ALMS1: variants seen among roughly 807,000 people sequenced by gnomAD.
ALMS1 encodes the protein ALMS1 centrosome and basal body associated protein.
In ALMS1, 271 loss-of-function variants were observed where a neutral mutation model predicts 352.2. The observed-to-expected ratio is 0.77, with a 90% CI of 0.70 to 0.85. The LOEUF (loss-of-function observed/expected upper bound fraction) is 0.85, where lower values mean the gene tolerates loss of function less well. Among genes scored for constraint, ALMS1 ranks in the 40% least tolerant of loss-of-function variants. The probability of loss-of-function intolerance (pLI) is 0.00; values close to 1 mark genes in which losing one functional copy is unlikely to be tolerated. For missense variants in ALMS1, 5,445 were observed against 4,870.7 expected, an observed-to-expected ratio of 1.12 and a Z score of -3.51; for synonymous variants, 1,865 against 1,761.2, an observed-to-expected ratio of 1.06 and a Z score of -1.48.
intron 9 of ALMS1, among the ~76,000 whole-genome samples, chr2:73,473,366 A>G: frequency 6.6e-6 from 1 of 152,072 alleles, no homozygotes; most frequent in East Asian, 1.9e-4. Flanking sequence ...AGTTCCATGC[A>G]CAACAAAGAA....
At chr2:73,428,806 T>C (rs1199088897) in intron 6 of ALMS1, among the ~76,000 whole-genome samples, 1 of 152,200 alleles carries the variant, frequency 6.6e-6, no homozygotes, top group Non-Finnish European at 1.5e-5. Context: ...GGTAGTACTT[T>C]TTCTGCATGG....
chr2:73,438,998 TCTTCTTCCTCTC>T (rs1255834099), intron 7 of ALMS1, among the ~76,000 whole-genome samples: 2 of 78,322 alleles, frequency 2.6e-5, no homozygotes, highest in African/African-American at 2.0e-4. Context: ...TTCTTCTTCC[TCTTCTTCCTCTC>T]CTCCTCCTCC....
chr2:73,500,868 A>C (rs562093644), intron 10 of ALMS1, among the ~76,000 whole-genome samples: 1 of 152,156 alleles, frequency 6.6e-6, no homozygotes. Context: ...CATGTAGTCT[A>C]TCTAGGTTTT....
chr2:73,393,365 T>G (rs1670689948), intron 1 of ALMS1, among the ~76,000 whole-genome samples: 1 of 152,188 alleles, frequency 6.6e-6, no homozygotes, highest in Non-Finnish European at 1.5e-5. Flanking sequence ...TCAAACTTTA[T>G]TCTTTCGTAT....
At chr2:73,482,376 A>G (rs1672729470) in intron 9 of ALMS1, among the ~76,000 whole-genome samples, 1 of 152,210 alleles carries the variant, frequency 6.6e-6, no homozygotes, top group Admixed American at 6.5e-5. Context: ...ATGCTGGATT[A>G]CATTTATTGA....
chr2:73,479,731 T>A (rs1404271479), intron 9 of ALMS1, among the ~76,000 whole-genome samples: 1 of 152,232 alleles, frequency 6.6e-6, no homozygotes, highest in African/African-American at 2.4e-5. Flanking sequence ...GTGGGGTAGA[T>A]GCCCAGGATT....
chr2:73,421,229 A>C (rs1299101759), intron 3 of ALMS1, among the ~76,000 whole-genome samples: 5 of 152,140 alleles, frequency 3.3e-5, no homozygotes, highest in African/African-American at 1.2e-4. Context: ...TTAAATAGCT[A>C]TTTTAGGTAC....
intron 9 of ALMS1, among the ~76,000 whole-genome samples, chr2:73,474,207 C>T (rs1387656095): frequency 6.6e-6 from 1 of 151,608 alleles, no homozygotes; most frequent in Non-Finnish European, 1.5e-5. Context: ...AAAGTTATTC[C>T]TGCCGTAAAT....
intron 2 of ALMS1, among the ~76,000 whole-genome samples, chr2:73,411,562 G>A (rs985436961): frequency 7.9e-5 from 12 of 152,014 alleles, no homozygotes; most frequent in African/African-American, 9.7e-5. Context: ...CACACAATAC[G>A]AACCATGATG....
At chr2:73,459,006 G>C (rs944032355) in intron 9 of ALMS1, 7 of 152,122 alleles carry the variant, frequency 4.6e-5, no homozygotes, top group Non-Finnish European at 1.0e-4. Flanking sequence ...TGTCCCTGTA[G>C]ATATTAATGT....
intron 14 of ALMS1, 62 bp from the exon 15 acceptor site, chr2:73,558,910 A>G (rs1674598041): frequency 6.5e-7 from 1 of 1,542,494 alleles, no homozygotes; most frequent in South Asian, 1.1e-5. Flanking sequence ...TACTTGAGAG[A>G]CATTTAAAAA....
chr2:73,502,729 G>A (rs561281496), intron 10 of ALMS1, among the ~76,000 whole-genome samples: 33 of 152,138 alleles, frequency 2.2e-4, no homozygotes, highest in Middle Eastern at 3.4e-3. Flanking sequence ...TGTTGAAATT[G>A]TCATCTTTAC....
At chr2:73,406,694 C>T (rs1386790808) in intron 1 of ALMS1, among the ~76,000 whole-genome samples, 1 of 152,156 alleles carries the variant, frequency 6.6e-6, no homozygotes, top group Non-Finnish European at 1.5e-5. Flanking sequence ...TCCTTTATAG[C>T]TTTGCCCCCC....
At chr2:73,528,700 A>G (rs1194583623) in intron 11 of ALMS1, among the ~76,000 whole-genome samples, 2 of 151,634 alleles carry the variant, frequency 1.3e-5, no homozygotes, top group African/African-American at 2.4e-5. Flanking sequence ...ATGTCTTTGG[A>G]TAGGAGGATT....
At chr2:73,483,251 C>G (rs1672753416) in intron 9 of ALMS1, among the ~76,000 whole-genome samples, 3 of 150,840 alleles carry the variant, frequency 2.0e-5, no homozygotes, top group Non-Finnish European at 4.4e-5. Context: ...TGAATGTGTC[C>G]CAGAGATTCT....
chr2:73,389,515 C>G lies in ALMS1; in HGVS notation c.324+3323C>G, dbSNP rs1339919358. On this transcript the variant is annotated intron_variant, in intron 1 of 22. Transcript: ENST00000613296. ...GAGGTCTTAATCATAAACTTTTTTC[C>G]TAAGTATTCTTTAGGATTATTATAA... Among the ~76,000 whole-genome samples, 3 of 151,810 alleles carry G rather than the reference C, an allele frequency of 2.0e-5. No homozygotes were observed. The East Asian group carries it at 5.8e-4, about 29-fold the overall frequency.
chr2:73,437,859 C>T (rs1671636703), intron 7 of ALMS1, among the ~76,000 whole-genome samples: 1 of 152,218 alleles, frequency 6.6e-6, no homozygotes, highest in South Asian at 2.1e-4. Flanking sequence ...ACGAGACCAA[C>T]TGTATTCTAC....
intron 16 of ALMS1, among the ~76,000 whole-genome samples, chr2:73,574,270 G>T (rs1311471039): frequency 6.6e-6 from 1 of 151,964 alleles, no homozygotes; most frequent in African/African-American, 2.4e-5. Flanking sequence ...GATCTCAAGG[G>T]GTCAATAAAT....
chr2:73,542,123 A>G (rs937792443), intron 12 of ALMS1, among the ~76,000 whole-genome samples: 1 of 152,156 alleles, frequency 6.6e-6, no homozygotes, highest in Non-Finnish European at 1.5e-5. Flanking sequence ...TCCTCAATAA[A>G]ATACTGGAAA....
Sources: allele counts gnomAD v4.1 joint callset (sites outside exome capture counted in the v4.1 genomes callset), GRCh38; gene constraint gnomAD v4.1.1; transcripts MANE v1.5; gene names NCBI Gene and HGNC (gene_info 2026-07-23, HGNC 2026-07-21).